Variants in EXTL3 observed in about 807,000 individuals in gnomAD.
EXTL3 encodes exostosin like glycosyltransferase 3.
In EXTL3, 27 loss-of-function variants were observed where a neutral mutation model predicts 69.3. That is an observed-to-expected ratio of 0.39 (90% CI 0.29 to 0.54). The LOEUF (loss-of-function observed/expected upper bound fraction) is 0.54, where lower values mean the gene tolerates loss of function less well. Among genes scored for constraint, EXTL3 ranks in the 20% least tolerant of loss-of-function variants. The pLI is 0.69. For missense variants in EXTL3, 1,003 were observed against 1,231.8 expected (o/e 0.81, Z 2.78); for synonymous variants, 511 against 499.4 (o/e 1.02, Z -0.31).
At chr8:28,738,154 TG>T (rs1207007120) in intron 5 of EXTL3, among the ~76,000 whole-genome samples, 1 of 152,208 alleles carries the variant, frequency 6.6e-6, no homozygotes, top group Non-Finnish European at 1.5e-5. Context: ...TGATTTTCAC[TG>T]AATATCTGAA....
rs997196566 is a variant in EXTL3 at position 28,717,011 on chromosome 8, C to T, written c.952C>T (p.Pro318Ser). ...ACCTGGCTTTGACTTGGTCGTATCA[C>T]CGCTGGTCCATGCCATGTCTGAGCC... ...YRPGFDLVVS[P>S]LVHAMSEPNF... The change falls in exon 3 of 7, where the codon CCG becomes TCG. Residue 318 changes from proline to serine, a missense_variant. Coordinates refer to ENST00000220562, the MANE Select transcript of EXTL3 (RefSeq NM_001440.4). This position sits in a 1 kb window ranked among gnomAD's most constrained non-coding sequence, Gnocchi z 8.3. 16 of 1,614,114 alleles carry T rather than the reference C, an allele frequency of 9.9e-6. No homozygotes were observed. Among genetic ancestry groups the T allele is most frequent in the Non-Finnish European group, 1.4e-5 (16 of 1,180,046 alleles).
intron 1 of EXTL3, among the ~76,000 whole-genome samples, chr8:28,628,421 G>C (rs745553161): frequency 3.3e-5 from 5 of 152,140 alleles, no homozygotes; most frequent in African/African-American, 4.8e-5. Context: ...TGTAATCCCA[G>C]TGACTCAGGA....
At chr8:28,722,597 G>A (rs1801316857) in intron 3 of EXTL3, among the ~76,000 whole-genome samples, 1 of 151,844 alleles carries the variant, frequency 6.6e-6, no homozygotes, top group Non-Finnish European at 1.5e-5. Flanking sequence ...GCAACATAGG[G>A]AGACCCCATC....
At chr8:28,747,759 C>T (rs111228413) in intron 6 of EXTL3, among the ~76,000 whole-genome samples, 35 of 137,566 alleles carry the variant, frequency 2.5e-4, no homozygotes, top group East Asian at 1.4e-3. Context: ...GATGGAGCCT[C>T]GCTCTGTCAC....
chr8:28,676,480 T>C (rs1315913347), intron 1 of EXTL3, among the ~76,000 whole-genome samples: 5 of 152,154 alleles, frequency 3.3e-5, no homozygotes, highest in Admixed American at 3.3e-4. Context: ...GTTTAGGAGA[T>C]ACTAAGTTGG....
intron 2 of EXTL3, among the ~76,000 whole-genome samples, chr8:28,610,411 C>G (rs920232389): frequency 6.6e-6 from 1 of 152,072 alleles, no homozygotes; most frequent in Non-Finnish European, 1.5e-5. Context: ...CTGTAACACA[C>G]CCAGGGATCT....
chr8:28,718,905 A>G (rs1440592950), intron 3 of EXTL3, among the ~76,000 whole-genome samples: 3 of 152,164 alleles, frequency 2.0e-5, no homozygotes, highest in African/African-American at 7.2e-5. Flanking sequence ...TACAGGAAAA[A>G]TAATAGCTAA....
At chr8:28,650,722 C>G (rs1806905913) in intron 1 of EXTL3, among the ~76,000 whole-genome samples, 1 of 151,998 alleles carries the variant, frequency 6.6e-6, no homozygotes, top group African/African-American at 2.4e-5. Context: ...CCGTCTGATG[C>G]CAAGTTTCCA....
At chr8:28,723,749 C>G (rs994103744) in intron 3 of EXTL3, among the ~76,000 whole-genome samples, 9 of 147,296 alleles carry the variant, frequency 6.1e-5, no homozygotes, top group African/African-American at 2.3e-4. Context: ...TTAAGTGATT[C>G]TTGTACCTCA....
intron 1 of EXTL3, among the ~76,000 whole-genome samples, chr8:28,659,876 C>G (rs914025186): frequency 2.0e-5 from 3 of 152,202 alleles, no homozygotes; most frequent in African/African-American, 7.2e-5. Context: ...GGAGTCTCCC[C>G]TGTGTCTAAT....
chr8:28,669,383 C>T (rs1807250263), intron 1 of EXTL3, among the ~76,000 whole-genome samples: 1 of 152,236 alleles, frequency 6.6e-6, no homozygotes, highest in Admixed American at 6.5e-5. Flanking sequence ...GGTGTTAATG[C>T]TATGCAGCTT....
At chr8:28,682,118 TTTTTGATAATGGCTATTCTAACAGG>T (rs1807500033) in intron 1 of EXTL3, among the ~76,000 whole-genome samples, 1 of 152,254 alleles carries the variant, frequency 6.6e-6, no homozygotes, top group Admixed American at 6.5e-5. Flanking sequence ...ATTTGTTTTC[TTTTTGATAATGGCTATTCTAACAGG>T]TGTGAGATGA....
chr8:28,751,145 G>C lies in EXTL3; in HGVS notation c.*279G>C. The stretch of plus-strand genomic sequence containing the variant: ...GCGACTCTGCAGAGTCACTCACACC[G>C]TTCGTACGCCCAGGACAGCTGGTTC... On this transcript the variant is annotated 3_prime_UTR_variant, in exon 7 of 7. Coordinates refer to ENST00000220562, the MANE Select transcript of EXTL3 (RefSeq NM_001440.4). 2.1e-6 allele frequency: 1 copy of C among 484,376 alleles called. No homozygotes were observed. The highest frequency in any genetic ancestry group is 3.8e-6 in the Non-Finnish European group (1 of 266,034). 30.0% of individuals were successfully genotyped at this position (484,376 alleles called of 1,614,324 possible).
chr8:28,744,792 CAA>C lies in EXTL3; in HGVS notation c.2550+1591_2550+1592del, dbSNP rs56932280. 4.8e-4 allele frequency among the ~76,000 whole-genome samples: 66 copies of C among 137,580 alleles called. No individual in the cohort carries two copies. In the East Asian group the frequency reaches 9.5e-3, roughly 20 times the overall value. 90.3% of individuals were successfully genotyped at this position (137,580 alleles called of 152,430 possible). On this transcript the variant is annotated intron_variant, in intron 6 of 6. Coordinates refer to ENST00000220562, the MANE Select transcript of EXTL3 (RefSeq NM_001440.4). ...TGGGTGACAGAGCGAGACTCCATCT[CAA>C]AAAAAAAAAAAATACACACACACGC...
At chr8:28,621,792 T>G (rs564449485), upstream of EXTL3, among the ~76,000 whole-genome samples, 200 of 152,324 alleles carry the variant, frequency 1.3e-3, no homozygotes, top group African/African-American at 3.1e-3. Context: ...GGAAGCTGCT[T>G]CTTCTGTTTG....
Position 28,632,444 on chromosome 8 carries a change from A to G in EXTL3, c.-53+9634A>G, listed in dbSNP as rs537369461. Among the ~76,000 whole-genome samples the G allele has an allele frequency of 3.3e-5, 5 of 152,210 alleles. No homozygotes were observed. The East Asian group carries it at 9.6e-4, about 29-fold the overall frequency. On this transcript the variant is annotated intron_variant, in intron 1 of 6. Transcript: ENST00000523149. ...ATTTCTTGGTTGTTTTGCCAATTAA[A>G]GTTAAGGTATATAAACAATAATAAT...
upstream of EXTL3, among the ~76,000 whole-genome samples, chr8:28,618,858 G>A (rs1039925407): frequency 6.6e-6 from 1 of 151,856 alleles, no homozygotes; most frequent in African/African-American, 2.4e-5. Flanking sequence ...GCTGAGGCTG[G>A]TGGATCACGA....
At chr8:28,635,336 T>A (rs1397263267) in intron 1 of EXTL3, among the ~76,000 whole-genome samples, 1 of 144,654 alleles carries the variant, frequency 6.9e-6, no homozygotes, top group African/African-American at 2.6e-5. Flanking sequence ...GGCATGAGGA[T>A]CACCTGAGCC....
chr8:28,744,433 G>A (rs1424342686), intron 6 of EXTL3, among the ~76,000 whole-genome samples: 3 of 152,294 alleles, frequency 2.0e-5, no homozygotes, highest in East Asian at 1.9e-4. Context: ...TGAGGCAGGC[G>A]GATCACTTGA....
Sources: allele counts gnomAD v4.1 joint callset (sites outside exome capture counted in the v4.1 genomes callset), GRCh38; gene constraint gnomAD v4.1.1; non-coding constraint Gnocchi (gnomAD v3.1); transcripts MANE v1.5; gene names NCBI Gene and HGNC (gene_info 2026-07-23, HGNC 2026-07-21).